Variants in PPP3CA observed in about 807,000 individuals in gnomAD.
PPP3CA encodes the protein CAM-PRP catalytic subunit.
A neutral mutation model predicts 66.5 loss-of-function variants in PPP3CA; 14 were observed. The ratio of observed to expected loss-of-function variants is 0.21; its 90% CI spans 0.14 to 0.33. The LOEUF (loss-of-function observed/expected upper bound fraction) is 0.33, where lower values mean the gene tolerates loss of function less well. PPP3CA is among the 10% of genes least tolerant of loss of function. The pLI, the probability that PPP3CA is intolerant of heterozygous loss-of-function variation, is 1.00. For synonymous variants in PPP3CA, 232 were observed against 226.2 expected (o/e 1.03, Z -0.23); for missense variants, 317 against 639.5 (o/e 0.50, Z 5.44).
chr4:101,266,325 A>C (rs185566888), intron 1 of PPP3CA, among the ~76,000 whole-genome samples: 1 of 152,318 alleles, frequency 6.6e-6, no homozygotes, highest in Non-Finnish European at 1.5e-5. Flanking sequence ...ATCTTACATC[A>C]TAAGTATTTA....
intron 1 of PPP3CA, among the ~76,000 whole-genome samples, chr4:101,216,505 C>A (rs1725458994): frequency 6.6e-6 from 1 of 152,044 alleles, no homozygotes; most frequent in Admixed American, 6.6e-5. Flanking sequence ...TCAATTGCTA[C>A]AAAAATGGCC....
At chr4:101,287,024 A>G (rs1187800935) in intron 1 of PPP3CA, among the ~76,000 whole-genome samples, 4 of 151,618 alleles carry the variant, frequency 2.6e-5, no homozygotes, top group African/African-American at 9.7e-5. Context: ...TGGATTGCAC[A>G]ACAGAAAAAA....
chr4:101,170,953 C>A (rs1723858706), intron 2 of PPP3CA: 2 of 272,266 alleles, frequency 7.3e-6, no homozygotes, highest in East Asian at 9.4e-5. Context: ...GGCAAATAAT[C>A]ATTTTGGTAT....
chr4:101,242,228 AAGC>A (rs1726334895), intron 1 of PPP3CA, among the ~76,000 whole-genome samples: 1 of 152,178 alleles, frequency 6.6e-6, no homozygotes, highest in Non-Finnish European at 1.5e-5. Context: ...TGACTGCAAT[AAGC>A]ATCATATTAG....
intron 2 of PPP3CA, among the ~76,000 whole-genome samples, chr4:101,164,494 C>T (rs1723624005): frequency 6.6e-6 from 1 of 151,818 alleles, no homozygotes; most frequent in Admixed American, 6.6e-5. Context: ...TTCTCCTCTC[C>T]CTCTTGTCCC....
chr4:101,094,354 A>G (rs1299807590), intron 5 of PPP3CA, among the ~76,000 whole-genome samples: 1 of 152,134 alleles, frequency 6.6e-6, no homozygotes, highest in Non-Finnish European at 1.5e-5. Context: ...TACTGCCTCT[A>G]TTAAACTGTG....
intron 2 of PPP3CA, among the ~76,000 whole-genome samples, chr4:101,115,412 ATAGG>A (rs1721809828): frequency 6.6e-6 from 1 of 152,052 alleles, no homozygotes; most frequent in Admixed American, 6.6e-5. Flanking sequence ...ATGAGAAGGG[ATAGG>A]TGTTCAAAAC....
At chr4:101,329,159 C>T (rs948534750) in intron 1 of PPP3CA, among the ~76,000 whole-genome samples, 2 of 152,066 alleles carry the variant, frequency 1.3e-5, no homozygotes, top group Admixed American at 1.3e-4. Flanking sequence ...AAAAGTTCTT[C>T]AAAGAAATTA....
chr4:101,048,728 G>A (rs1288451136), intron 10 of PPP3CA, among the ~76,000 whole-genome samples: 2 of 151,820 alleles, frequency 1.3e-5, no homozygotes, highest in Non-Finnish European at 2.9e-5. Context: ...GGACATAATA[G>A]CCACTCACTC....
intron 2 of PPP3CA, among the ~76,000 whole-genome samples, chr4:101,138,600 T>G (rs1198644172): frequency 2.0e-5 from 3 of 152,188 alleles, no homozygotes; most frequent in Admixed American, 1.3e-4. Context: ...CAATGAGCAT[T>G]TCCTTGGAGT....
chr4:101,267,789 T>C (rs1727215794), intron 1 of PPP3CA, among the ~76,000 whole-genome samples: 2 of 152,192 alleles, frequency 1.3e-5, no homozygotes, highest in African/African-American at 4.8e-5. Context: ...GAGATTTGTA[T>C]TGTGCAAGAA....
chr4:101,292,891 C>T (rs1218918716), intron 1 of PPP3CA, among the ~76,000 whole-genome samples: 1 of 152,198 alleles, frequency 6.6e-6, no homozygotes, highest in African/African-American at 2.4e-5. Flanking sequence ...TTCCACATGA[C>T]AATCTTATGT....
At position 101,236,963 on chromosome 4, in the gene PPP3CA, G is replaced by A. The variant is rs189311358; in HGVS notation, c.59-40847C>T. Among the ~76,000 whole-genome samples the A allele has an allele frequency of 2.3e-3, 347 of 150,932 alleles. 2 individuals carry two copies. Among genetic ancestry groups the A allele is most frequent in the African/African-American group, 7.9e-3 (326 of 41,078 alleles). On this transcript the variant is annotated intron_variant, in intron 1 of 13. Coordinates refer to ENST00000394854, the MANE Select transcript of PPP3CA (RefSeq NM_000944.5). ...GCGATAATAGAGCATTTATCTCATA[G>A]AGATATTATGAAGATTAAATTACAT...
At chr4:101,143,730 T>C (rs1397403601) in intron 2 of PPP3CA, among the ~76,000 whole-genome samples, 1 of 152,160 alleles carries the variant, frequency 6.6e-6, no homozygotes, top group East Asian at 1.9e-4. Flanking sequence ...TCCACTTGCA[T>C]GATTTTACCA....
chr4:101,077,788 C>G (rs1218644060), intron 8 of PPP3CA, among the ~76,000 whole-genome samples: 3 of 151,022 alleles, frequency 2.0e-5, no homozygotes, highest in South Asian at 2.1e-4. Flanking sequence ...AGTGAAAGAA[C>G]TACAAAATCT....
At chr4:101,321,666 C>T (rs1014143488) in intron 1 of PPP3CA, among the ~76,000 whole-genome samples, 1 of 152,034 alleles carries the variant, frequency 6.6e-6, no homozygotes, top group Non-Finnish European at 1.5e-5. Flanking sequence ...CCAGGCATAC[C>T]GAGTACCAGT....
At chr4:101,099,014 G>A (rs1175569801) in intron 4 of PPP3CA, among the ~76,000 whole-genome samples, 1 of 152,082 alleles carries the variant, frequency 6.6e-6, no homozygotes, top group Non-Finnish European at 1.5e-5. Context: ...CTAAATGAAA[G>A]AGAAAAATAT....
At chr4:101,058,963 A>G (rs1187552028) in intron 10 of PPP3CA, among the ~76,000 whole-genome samples, 2 of 152,168 alleles carry the variant, frequency 1.3e-5, no homozygotes, top group Admixed American at 1.3e-4. Context: ...TCTATATCAT[A>G]AATACTGGCC....
intron 1 of PPP3CA, among the ~76,000 whole-genome samples, chr4:101,269,852 C>T (rs113586125): frequency 5.3e-5 from 8 of 152,168 alleles, no homozygotes; most frequent in Middle Eastern, 3.4e-3. Flanking sequence ...GTAGAAGTCA[C>T]GCCTTTGCTT....
Sources: allele counts gnomAD v4.1 joint callset (sites outside exome capture counted in the v4.1 genomes callset), GRCh38; gene constraint gnomAD v4.1.1; transcripts MANE v1.5; gene names NCBI Gene and HGNC (gene_info 2026-07-23, HGNC 2026-07-21).